ADAM17: variants seen among roughly 807,000 people sequenced by gnomAD.
ADAM17 encodes disintegrin and metalloproteinase domain-containing protein 17.
In ADAM17, 39 loss-of-function variants were observed where a neutral mutation model predicts 96.7. The ratio of observed to expected loss-of-function variants is 0.40; its 90% confidence interval spans 0.31 to 0.53. ADAM17 has a LOEUF of 0.53. Ranked by LOEUF, ADAM17 falls within the 20% of genes least tolerant of loss-of-function variation. The pLI, the probability that ADAM17 is intolerant of heterozygous loss-of-function variation, is 0.44. For synonymous variants in ADAM17, 344 were observed against 359.2 expected, an observed-to-expected ratio of 0.96 and a Z score of 0.48; for missense variants, 777 against 1,013.2, an observed-to-expected ratio of 0.77 and a Z score of 3.17.
At chr2:9,494,788 T>G (rs1367073451) in intron 14 of ADAM17, 21 bp from the exon 15 acceptor site, 6 of 1,613,188 alleles carry the variant, frequency 3.7e-6, no homozygotes, top group Non-Finnish European at 4.2e-6. Flanking sequence ...GAACACGCAT[T>G]GACAGCTGGA....
intron 5 of ADAM17, among the ~76,000 whole-genome samples, chr2:9,526,658 T>C (rs979234633): frequency 6.6e-6 from 1 of 152,022 alleles, no homozygotes; most frequent in African/African-American, 2.4e-5. Context: ...TAGCCAGATA[T>C]GGTGGCACCC....
chr2:9,502,142 A>AG lies in ADAM17; in HGVS notation c.1648+30dup, dbSNP rs374181255. 610 of 1,571,290 alleles carry AG rather than the reference A, an allele frequency of 3.9e-4. 1 individual carries two copies. In the African/African-American group the frequency reaches 7.2e-3, roughly 19 times the overall value. On this transcript the variant is annotated intron_variant, in intron 13 of 18. Transcript: ENST00000310823. ...AAAGACACACACACACTTGACCCAC[A>AG]GCATTCCAAGGAAGCAACAAGAACA...
chr2:9,499,896 T>C (rs1662898617), intron 13 of ADAM17, among the ~76,000 whole-genome samples: 1 of 152,066 alleles, frequency 6.6e-6, no homozygotes, highest in Non-Finnish European at 1.5e-5. Flanking sequence ...ATAGTTACAA[T>C]AAAAAAGATA....
intron 6 of ADAM17, among the ~76,000 whole-genome samples, chr2:9,525,561 A>G (rs146802756): frequency 1.3e-5 from 2 of 152,224 alleles, no homozygotes; most frequent in African/African-American, 2.4e-5. Flanking sequence ...TTCAAAAATC[A>G]TAATAGTTCA....
At chr2:9,495,748 A>C (rs73149892) in intron 14 of ADAM17, among the ~76,000 whole-genome samples, 9,687 of 151,830 alleles carry the variant, frequency 0.064, 1,098 homozygotes, top group African/African-American at 0.22. Flanking sequence ...TCATTCACTA[A>C]TTTATAAAAT....
At position 9,523,250 on chromosome 2, in the gene ADAM17, T is replaced by G. The variant is rs766171023; in HGVS notation, c.842A>C (p.Gln281Pro). The G allele has an allele frequency of 6.3e-7, 1 of 1,599,624 alleles. No individual in the cohort carries two copies. The change falls in exon 7 of 19, where the codon CAG becomes CCG. Residue 281 changes from glutamine (Q) to proline (P), a missense_variant and splice_region_variant. Around this residue, in one of 3 missense-constraint regions of ADAM17, gnomAD observed 446 missense variants for 664.7 expected, o/e 0.67. Coordinates refer to ENST00000310823, the MANE Select transcript of ADAM17 (RefSeq NM_003183.6). ...TAAGCCATATCTATTGATAAATACCTGCTCTATCTGTATTCCATAGCCTTT... is the reference window on the plus strand; with the variant it reads ...TAAGCCATATCTATTGATAAATACCGGCTCTATCTGTATTCCATAGCCTTT... The part of the protein sequence containing the change: ...GFKGYGIQIE[Q>P]IRILKSPQEV...
intron 10 of ADAM17, among the ~76,000 whole-genome samples, chr2:9,514,229 A>G (rs1663905428): frequency 6.6e-6 from 1 of 151,128 alleles, no homozygotes; most frequent in Non-Finnish European, 1.5e-5. Flanking sequence ...GAAGCTGGAA[A>G]CCATCATTCT....
At chr2:9,503,912 G>A (rs1050127762) in intron 12 of ADAM17, among the ~76,000 whole-genome samples, 14 of 151,762 alleles carry the variant, frequency 9.2e-5, no homozygotes, top group African/African-American at 3.4e-4. Flanking sequence ...CCACACTTTA[G>A]GAGGCTTAGA....
chr2:9,537,445 C>T lies in ADAM17; in HGVS notation c.231-617G>A, dbSNP rs997123637. ...ATGCTGCTTTCTATATTTAAAAGTA[C>T]TCATGCGGCCGTGCGTAGTGGCTCA... On this transcript the variant is annotated intron_variant, in intron 2 of 18. Transcript: ENST00000310823. 2.6e-5 allele frequency among the ~76,000 whole-genome samples: 4 copies of T among 152,210 alleles called. No individual in the cohort carries two copies. In the South Asian group the frequency reaches 8.3e-4, roughly 32 times the overall value.
intron 4 of ADAM17, among the ~76,000 whole-genome samples, chr2:9,531,102 C>T (rs1361072275): frequency 6.6e-6 from 1 of 152,044 alleles, no homozygotes; most frequent in Non-Finnish European, 1.5e-5. Context: ...GGATTACGGG[C>T]GCAAGCCACC....
chr2:9,516,757 AAAATAAAAATT>A (rs1353888277), intron 10 of ADAM17, among the ~76,000 whole-genome samples: 1 of 152,176 alleles, frequency 6.6e-6, no homozygotes, highest in Non-Finnish European at 1.5e-5. Flanking sequence ...TGTCTCAAAA[AAAATAAAAATT>A]AAATAAAAAT....
chr2:9,496,890 A>G (rs1316702933), intron 14 of ADAM17, among the ~76,000 whole-genome samples: 1 of 152,186 alleles, frequency 6.6e-6, no homozygotes, highest in Non-Finnish European at 1.5e-5. Context: ...ATGGCCTGAA[A>G]CTGCAGCAAG....
At chr2:9,526,774 C>T (rs1165744037) in intron 5 of ADAM17, among the ~76,000 whole-genome samples, 2 of 151,556 alleles carry the variant, frequency 1.3e-5, no homozygotes, top group African/African-American at 4.9e-5. Context: ...CAAGCCAGGG[C>T]GACAAAAGTG....
At chr2:9,496,450 A>AGAG (rs1156596952) in intron 14 of ADAM17, 4 of 152,318 alleles carry the variant, frequency 2.6e-5, no homozygotes, top group African/African-American at 9.7e-5. Context: ...TTTGAAAGCA[A>AGAG]GAGAACTCCC....
intron 11 of ADAM17, 49 bp downstream of exon 11, chr2:9,509,930 T>G (rs776472253): frequency 3.1e-6 from 5 of 1,604,296 alleles, no homozygotes; most frequent in Non-Finnish European, 4.3e-6. Flanking sequence ...ATGATCATTA[T>G]ACACAGCCTC....
rs1444935422 is a variant in ADAM17 at position 9,503,140 on chromosome 2, AAAAAAAAAAAAAGACAAGG to A, written c.1545-883_1545-865del. 5.6e-4 allele frequency among the ~76,000 whole-genome samples: 85 copies of A among 150,654 alleles called. No individual in the cohort carries two copies. In the South Asian group the frequency reaches 0.014, roughly 24 times the overall value. The stretch of plus-strand genomic sequence containing the variant: ...GGTCAACAGGGCGAGACTCTCTCAA[AAAAAAAAAAAAAGACAAGG>A]AAAAAAAAAAAAGACAAGGTGGGGC... On this transcript the variant is annotated intron_variant, in intron 12 of 18. Coordinates refer to ENST00000310823, the MANE Select transcript of ADAM17 (RefSeq NM_003183.6).
At position 9,490,515 on chromosome 2, in the gene ADAM17, C is replaced by G; in HGVS notation, c.2137G>C (p.Val713Leu). ...ESLSLFHPSN[V>L]EMLSSMDSAS... The stretch of plus-strand genomic sequence containing the variant: ...GAATCCATGCTGCTCAGCATTTCGA[C>G]GTTCTGCAAAGACATGGGTTCAATT... The change falls in exon 19 of 19, where the codon GTC becomes CTC. Residue 713 changes from valine (V) to leucine (L), a missense_variant. Physicochemically the swap from Val to Leu is conservative, Grantham distance 32 (BLOSUM62 1). Transcript: ENST00000310823. 1 of 1,609,712 alleles carries G rather than the reference C, an allele frequency of 6.2e-7. No homozygotes were observed. The highest frequency in any genetic ancestry group is 8.5e-7 in the Non-Finnish European group (1 of 1,176,740).
chr2:9,520,106 T>G (rs554255989), intron 8 of ADAM17, among the ~76,000 whole-genome samples: 15 of 152,338 alleles, frequency 9.8e-5, no homozygotes, highest in Admixed American at 6.5e-4. Flanking sequence ...TTCAGCCTCA[T>G]GAGACCCTAA....
intron 10 of ADAM17, among the ~76,000 whole-genome samples, chr2:9,514,510 A>AAAATATAAATAT (rs1377892445): frequency 9.0e-6 from 1 of 110,584 alleles, no homozygotes; most frequent in African/African-American, 3.4e-5. Context: ...ACTTAAATTT[A>AAAATATAAATAT]AAATATAAAT....
Sources: gnomAD v4.1 joint callset for allele counts (sites outside exome capture counted in the v4.1 genomes callset) on GRCh38, gnomAD v4.1.1 for gene constraint, gnomAD v4.1.1 regional missense constraint, MANE v1.5 for transcripts, NCBI Gene and HGNC (gene_info 2026-07-23, HGNC 2026-07-21) for gene names.